The following RTN4 variants were observed in gnomAD, a reference collection of about 807,000 sequenced individuals.
The protein encoded by RTN4 is reticulon-4.
RTN4 carries 32 observed loss-of-function variants against 90.4 expected under a neutral mutation model. The observed-to-expected ratio is 0.35, with a 90% CI of 0.27 to 0.48. RTN4 has a LOEUF of 0.48. Among genes scored for constraint, RTN4 ranks in the 20% least tolerant of loss-of-function variants. The pLI is 0.99. For synonymous variants in RTN4, 629 were observed against 552.5 expected (o/e 1.14, Z -1.94); for missense variants, 1,706 against 1,430.2 (o/e 1.19, Z -3.11).
At chr2:55,133,356 T>G in the RTN4 span, among the ~76,000 whole-genome samples, 5 of 152,372 alleles carry the variant, frequency 3.3e-5, no homozygotes, top group Admixed American at 3.3e-4. Context: ...CTTGTTTACT[T>G]TTTATTTTTC....
rs770432896 is a variant in RTN4, at chr2:55,026,007, C to T, written c.2092G>A (p.Ala698Thr). The change falls in exon 3 of 9, where the codon GCA (alanine) becomes ACA (threonine). Residue 698 changes from alanine (A) to threonine (T), a missense_variant. Transcript: ENST00000337526. ...QETEAPYISI[A>T]CDLIKETKLS... ...TTTGTTTCTTTAATTAAATCACATGCAATAGATATATAAGGAGCTTCTGTT... is the reference window on the plus strand; with the variant it reads ...TTTGTTTCTTTAATTAAATCACATGTAATAGATATATAAGGAGCTTCTGTT... The T allele has an allele frequency of 1.9e-6, 3 of 1,612,704 alleles. No individual in the cohort carries two copies. The highest frequency in any genetic ancestry group is 2.5e-6 in the Non-Finnish European group (3 of 1,179,700).
intron 3 of RTN4, among the ~76,000 whole-genome samples, chr2:54,994,324 T>G (rs1288937484): frequency 1.3e-5 from 2 of 152,104 alleles, no homozygotes; most frequent in Non-Finnish European, 2.9e-5. Context: ...GATGCAATAA[T>G]CCCCAACAAA....
chr2:54,999,638 A>G (rs1324883436), intron 3 of RTN4, among the ~76,000 whole-genome samples: 5 of 152,158 alleles, frequency 3.3e-5, no homozygotes, highest in African/African-American at 7.2e-5. Flanking sequence ...TGAATATATA[A>G]ATATTAGAAC....
Position 55,077,756 on chromosome 2 carries a change from T to C in RTN4, c.-63+2733A>G, listed in dbSNP as rs887590729. On this transcript the variant is annotated intron_variant, in intron 2 of 3. Transcript: ENST00000427710. ...ACAAGTGGATAAAGAAAATGTTTTA[T>C]ACACACACACACACACACACACACA... Among the ~76,000 whole-genome samples the C allele has an allele frequency of 8.3e-5, 12 of 144,464 alleles. No homozygotes were observed. The South Asian group carries it at 1.1e-3, about 13-fold the overall frequency. The allele number at this position is 144,464 out of a possible 152,430, so 94.8% of individuals were successfully genotyped here.
intron 3 of RTN4, among the ~76,000 whole-genome samples, chr2:55,019,418 G>A (rs752459692): frequency 6.6e-6 from 1 of 152,150 alleles, no homozygotes; most frequent in East Asian, 1.9e-4. Context: ...TCATCTGCAA[G>A]GGAGAAACAA....
chr2:55,025,861 G>A lies in RTN4; in HGVS notation c.2238C>T (p.Asp746=), dbSNP rs1681816782. ...EDSSPDSEPV[D]LFSDDSIPDV... is the part of the protein sequence containing the mutation. ...CAGGTATTGAATCATCACTAAATAA[G>A]TCAACTGGTTCAGAATCAGGTGAGG... The change falls in exon 3 of 9, where the codon GAC becomes GAT. Residue 746 remains aspartate, a synonymous_variant. Coordinates refer to ENST00000337526, the MANE Select transcript of RTN4 (RefSeq NM_020532.5). 6.2e-7 allele frequency: 1 copy of A among 1,613,616 alleles called. No homozygotes were observed. The highest frequency in any genetic ancestry group is 1.3e-5 in the African/African-American group (1 of 74,882).
At chr2:55,014,001 T>A (rs530905576) in intron 3 of RTN4, among the ~76,000 whole-genome samples, 5 of 152,328 alleles carry the variant, frequency 3.3e-5, no homozygotes, top group South Asian at 4.1e-4. Flanking sequence ...GAAACAATTA[T>A]AGCTACACAG....
chr2:55,024,393 T>C (rs1043400944), intron 3 of RTN4, among the ~76,000 whole-genome samples: 2 of 152,168 alleles, frequency 1.3e-5, no homozygotes, highest in African/African-American at 2.4e-5. Context: ...CATAAGTATA[T>C]TCAGTAAATT....
In RTN4 at chr2:55,026,644, A is replaced by T. The variant is rs201239793; in HGVS notation, c.1455T>A (p.Asp485Glu). The T allele has an allele frequency of 1.1e-5, 18 of 1,612,706 alleles. No individual in the cohort carries two copies. The highest frequency in any genetic ancestry group is 1.5e-5 in the Non-Finnish European group (18 of 1,179,768). Residue 485 changes from aspartate (D) to glutamate (E), a missense_variant, in exon 3 of 9, where the codon GAT (aspartate) becomes GAA (glutamate). By Grantham distance (45) the Asp-to-Glu change is conservative. Transcript: ENST00000337526. ...IATNIFPLLGDPTSENKTDEK... is the reference protein window; with the variant it reads ...IATNIFPLLGEPTSENKTDEK... ...CATCGGTCTTATTTTCTGAAGTAGGATCTCCTAACAAAGGAAAAATGTTTG... is the reference window on the plus strand; with the variant it reads ...CATCGGTCTTATTTTCTGAAGTAGGTTCTCCTAACAAAGGAAAAATGTTTG...
intron 1 of RTN4, among the ~76,000 whole-genome samples, chr2:55,028,489 G>C (rs368732294): frequency 3.3e-5 from 5 of 152,082 alleles, no homozygotes; most frequent in Non-Finnish European, 4.4e-5. Flanking sequence ...AGAAACTTAT[G>C]AATCAAAGTG....
chr2:55,077,445 TAATCAAAA>T (rs1668623343), intron 2 of RTN4, among the ~76,000 whole-genome samples: 1 of 152,060 alleles, frequency 6.6e-6, no homozygotes, highest in African/African-American at 2.4e-5. Context: ...AGAATGGCCA[TAATCAAAA>T]AATCAAAAAA....
the RTN4 span, among the ~76,000 whole-genome samples, chr2:55,124,865 C>G: frequency 3.9e-5 from 6 of 152,118 alleles, 1 homozygote; most frequent in Non-Finnish European, 7.4e-5. Context: ...CAAAAACAGG[C>G]ACATAGACCA....
intron 2 of RTN4, among the ~76,000 whole-genome samples, chr2:55,027,850 T>A (rs1682022565): frequency 6.6e-6 from 1 of 152,162 alleles, no homozygotes; most frequent in Non-Finnish European, 1.5e-5. Flanking sequence ...GTAAATGCCA[T>A]AGACTGGTAT....
At chr2:55,132,925 A>T in the RTN4 span, among the ~76,000 whole-genome samples, 1 of 151,960 alleles carries the variant, frequency 6.6e-6, no homozygotes, top group African/African-American at 2.4e-5. Flanking sequence ...ATTTTTAAAA[A>T]ACATGGCCGG....
At chr2:55,113,628 A>G (rs1668076152), upstream of RTN4, among the ~76,000 whole-genome samples, 1 of 152,220 alleles carries the variant, frequency 6.6e-6, no homozygotes, top group Non-Finnish European at 1.5e-5. Context: ...TGTAGGGTCC[A>G]TGCAGTCCAG....
intron 2 of RTN4, among the ~76,000 whole-genome samples, chr2:55,077,750 G>A (rs1668628044): frequency 1.2e-5 from 1 of 85,954 alleles, no homozygotes; most frequent in African/African-American, 4.6e-5. Context: ...TAAAGAAAAT[G>A]TTTTATACAC....
At position 54,983,961 on chromosome 2, in the gene RTN4, A is replaced by G. The variant is rs1332800197; in HGVS notation, c.3222-1308T>C. ...ACTTTTCAACCAGGGACATCCTCCT[A>G]AATCTTTCCAACCTTACTTCCAACT... On this transcript the variant is annotated intron_variant, in intron 4 of 8. Coordinates refer to ENST00000337526, the MANE Select transcript of RTN4 (RefSeq NM_020532.5). Among the ~76,000 whole-genome samples the G allele has an allele frequency of 2.6e-5, 4 of 152,332 alleles. No individual in the cohort carries two copies. The South Asian group carries it at 8.3e-4, about 32-fold the overall frequency.
chr2:55,073,310 C>T (rs1433295115), intron 2 of RTN4, among the ~76,000 whole-genome samples: 1 of 152,130 alleles, frequency 6.6e-6, no homozygotes, highest in African/African-American at 2.4e-5. Flanking sequence ...ATTTTATCAT[C>T]CAATGTGCAT....
the RTN4 span, among the ~76,000 whole-genome samples, chr2:55,127,115 T>G: frequency 6.6e-6 from 1 of 152,166 alleles, no homozygotes; most frequent in Non-Finnish European, 1.5e-5. Context: ...CCATAACTCG[T>G]GTTTATCTAT....
Sources: gnomAD v4.1 joint callset for allele counts (sites outside exome capture counted in the v4.1 genomes callset) on GRCh38, gnomAD v4.1.1 for gene constraint, MANE v1.5 for transcripts, NCBI Gene and HGNC (gene_info 2026-07-23, HGNC 2026-07-21) for gene names.